Variants in CDH13 observed in about 807,000 individuals in gnomAD.
CDH13 encodes the protein cadherin-13.
A neutral mutation model predicts 63.8 loss-of-function variants in CDH13; 24 were observed. The ratio of observed to expected loss-of-function variants is 0.38; its 90% CI spans 0.27 to 0.53. CDH13 has a LOEUF of 0.53. Among genes scored for constraint, CDH13 ranks in the 20% least tolerant of loss-of-function variants. CDH13 has a pLI of 0.85. For missense variants in CDH13, 1,049 were observed against 903.1 expected, an observed-to-expected ratio of 1.16 and a Z score of -2.07; for synonymous variants, 503 against 355.3, an observed-to-expected ratio of 1.42 and a Z score of -4.67.
At chr16:83,779,815 A>G (rs936341769) in intron 11 of CDH13, among the ~76,000 whole-genome samples, 153 bp from the exon 12 acceptor site, 1 of 152,210 alleles carries the variant, frequency 6.6e-6, no homozygotes, top group African/African-American at 2.4e-5. Context: ...CCATGATCGC[A>G]CCACTGCATT....
intron 1 of CDH13, among the ~76,000 whole-genome samples, chr16:82,682,968 A>G (rs887522245): frequency 2.0e-5 from 3 of 152,194 alleles, no homozygotes; most frequent in African/African-American, 7.2e-5. Context: ...CACTATCTCC[A>G]GGAAGCAGCT....
At chr16:83,174,972 C>T (rs1416472544) in intron 4 of CDH13, among the ~76,000 whole-genome samples, 1 of 152,100 alleles carries the variant, frequency 6.6e-6, no homozygotes, top group East Asian at 1.9e-4. Flanking sequence ...CAACCAGGTC[C>T]CTCCCCTGAC....
chr16:83,600,950 C>T (rs1598352916), intron 7 of CDH13, among the ~76,000 whole-genome samples: 2 of 152,094 alleles, frequency 1.3e-5, no homozygotes, highest in African/African-American at 4.8e-5. Context: ...TGCATTACCC[C>T]TCCTGTGGTC....
chr16:83,494,159 A>G (rs1018844772), intron 7 of CDH13, among the ~76,000 whole-genome samples: 1 of 152,164 alleles, frequency 6.6e-6, no homozygotes, highest in East Asian at 1.9e-4. Flanking sequence ...TTGGTATTTT[A>G]TATGGTAAAG....
intron 4 of CDH13, among the ~76,000 whole-genome samples, chr16:83,151,820 G>C (rs1299517544): frequency 6.6e-6 from 1 of 152,124 alleles, no homozygotes; most frequent in African/African-American, 2.4e-5. Flanking sequence ...AATTTAGCTG[G>C]GTGTGGTGGC....
At chr16:82,771,638 C>G (rs2035270690) in intron 1 of CDH13, among the ~76,000 whole-genome samples, 1 of 152,196 alleles carries the variant, frequency 6.6e-6, no homozygotes, top group South Asian at 2.1e-4. Context: ...GATTTGAGCT[C>G]AGGTCTGTCC....
At chr16:83,411,403 G>T (rs2092123799) in intron 6 of CDH13, among the ~76,000 whole-genome samples, 1 of 152,150 alleles carries the variant, frequency 6.6e-6, no homozygotes, top group African/African-American at 2.4e-5. Flanking sequence ...GTGGTTTATT[G>T]TTGGCTTCTT....
At position 83,780,166 on chromosome 16, in the gene CDH13, T is replaced by C; in HGVS notation, c.1880T>C (p.Val627Ala). 1 of 1,608,746 alleles carries C rather than the reference T, an allele frequency of 6.2e-7. No individual in the cohort carries two copies. The highest frequency in any genetic ancestry group is 8.5e-7 in the Non-Finnish European group (1 of 1,177,270). Residue 627 changes from valine to alanine, a missense_variant, in exon 12 of 14, where the codon GTT becomes GCT. Val to Ala is a moderately conservative substitution (Grantham distance 64). Coordinates refer to ENST00000567109, the MANE Select transcript of CDH13 (RefSeq NM_001257.5). ...AAATTTGAAATCCACAAACAAGCTG[T>C]TCCTGATAAAGTCTGGAAGATCTCC... ...PFKFEIHKQA[V>A]PDKVWKISKI...
chr16:83,296,303 T>A (rs1282245996), intron 5 of CDH13, among the ~76,000 whole-genome samples: 1 of 152,206 alleles, frequency 6.6e-6, no homozygotes, highest in Admixed American at 6.5e-5. Flanking sequence ...TTGAGACACT[T>A]ATATTCACAT....
chr16:83,525,664 G>A (rs2151625652), intron 7 of CDH13, among the ~76,000 whole-genome samples: 1 of 152,242 alleles, frequency 6.6e-6, no homozygotes, highest in East Asian at 1.9e-4. Flanking sequence ...CCAGAAGCTG[G>A]GACTATGTTG....
chr16:83,462,553 C>G (rs970065591), intron 6 of CDH13, among the ~76,000 whole-genome samples: 1 of 152,180 alleles, frequency 6.6e-6, no homozygotes, highest in African/African-American at 2.4e-5. Context: ...GAGTTTGAGA[C>G]CAGCCTGGCC....
At chr16:83,048,549 T>G (rs187107396) in intron 3 of CDH13, among the ~76,000 whole-genome samples, 2 of 152,312 alleles carry the variant, frequency 1.3e-5, no homozygotes, top group African/African-American at 4.8e-5. Flanking sequence ...TGTACTCTAG[T>G]GCCTACAGTT....
chr16:83,339,190 T>A (rs1037443429), intron 5 of CDH13, among the ~76,000 whole-genome samples: 5 of 152,098 alleles, frequency 3.3e-5, no homozygotes, highest in Middle Eastern at 3.2e-3. Flanking sequence ...TGGCTGCGGA[T>A]AGAAGAGAAG....
At chr16:83,657,864 C>A (rs1473897372) in intron 8 of CDH13, among the ~76,000 whole-genome samples, 1 of 151,630 alleles carries the variant, frequency 6.6e-6, no homozygotes, top group Non-Finnish European at 1.5e-5. Context: ...GGTCCCATAT[C>A]CTCACCAGCA....
At chr16:83,698,108 A>G (rs546404451) in intron 10 of CDH13, among the ~76,000 whole-genome samples, 1 of 152,352 alleles carries the variant, frequency 6.6e-6, no homozygotes, top group African/African-American at 2.4e-5. Context: ...TAGGCACTCA[A>G]TACATGTTTG....
intron 13 of CDH13, among the ~76,000 whole-genome samples, chr16:83,792,604 G>C (rs141901921): frequency 6.6e-6 from 1 of 152,248 alleles, no homozygotes; most frequent in African/African-American, 2.4e-5. Flanking sequence ...GCTGCTAAGC[G>C]TCCTCCCATA....
chr16:82,881,016 G>T (rs949040939), intron 2 of CDH13, among the ~76,000 whole-genome samples: 5 of 151,658 alleles, frequency 3.3e-5, no homozygotes, highest in African/African-American at 1.2e-4. Flanking sequence ...ATTTTCCTCT[G>T]GGTTTATCTT....
At chr16:82,809,255 T>G (rs571187652) in intron 1 of CDH13, among the ~76,000 whole-genome samples, 1 of 152,234 alleles carries the variant, frequency 6.6e-6, no homozygotes, top group Non-Finnish European at 1.5e-5. Flanking sequence ...ACATTATTTT[T>G]TCATGTTCAT....
intron 5 of CDH13, among the ~76,000 whole-genome samples, chr16:83,323,277 T>C (rs2059278): frequency 3.7e-5 from 5 of 133,814 alleles, no homozygotes; most frequent in Non-Finnish European, 7.9e-5. Flanking sequence ...TTGTTTTCTT[T>C]TTTTCTTTTT....
Sources: gnomAD v4.1 joint callset for allele counts (sites outside exome capture counted in the v4.1 genomes callset) on GRCh38, gnomAD v4.1.1 for gene constraint, MANE v1.5 for transcripts, NCBI Gene and HGNC (gene_info 2026-07-23, HGNC 2026-07-21) for gene names.